The following ANK2 variants were observed in gnomAD, a reference collection of about 807,000 sequenced individuals.
ANK2 encodes the protein ankyrin 2.
Under a neutral mutation model 360.5 loss-of-function variants are expected in ANK2, and 83 were observed. That is an observed-to-expected ratio of 0.23 (90% CI 0.19 to 0.28). The LOEUF is 0.28. Among genes scored for constraint, ANK2 ranks in the 10% least tolerant of loss-of-function variants. ANK2 has a pLI of 1.00. For missense variants in ANK2, 4,201 were observed against 4,795.7 expected (o/e 0.88, Z 3.66); for synonymous variants, 1,740 against 1,759.5 (o/e 0.99, Z 0.28).
intron 5 of ANK2, among the ~76,000 whole-genome samples, chr4:113,233,898 C>T (rs1486311488): frequency 6.6e-6 from 1 of 151,972 alleles, no homozygotes; most frequent in Non-Finnish European, 1.5e-5. Context: ...CTTTTTTTCC[C>T]TCAGACACTA....
chr4:113,170,348 A>G (rs1328088150), intron 1 of ANK2, among the ~76,000 whole-genome samples: 1 of 152,190 alleles, frequency 6.6e-6, no homozygotes, highest in Non-Finnish European at 1.5e-5. Flanking sequence ...TTGGCTCGTC[A>G]TGTCCTGCCA....
intron 1 of ANK2, among the ~76,000 whole-genome samples, chr4:113,093,087 C>A (rs1212175325): frequency 2.6e-5 from 4 of 152,076 alleles, no homozygotes; most frequent in Non-Finnish European, 5.9e-5. Flanking sequence ...TATAAAATGC[C>A]TTAACATGCT....
intron 9 of ANK2, among the ~76,000 whole-genome samples, chr4:113,245,440 A>T (rs992663193): frequency 3.3e-5 from 5 of 152,232 alleles, no homozygotes; most frequent in African/African-American, 1.2e-4. Flanking sequence ...ATTGACTCAC[A>T]GTTCTGCAGG....
chr4:112,710,943 A>ATATT, the ANK2 span, among the ~76,000 whole-genome samples: 79,869 of 142,212 alleles, frequency 0.56, 23,377 homozygotes, highest in African/African-American at 0.73. Context: ...GATTACATTT[A>ATATT]TATTTATTTA....
At chr4:112,831,658 C>T (rs1034240547) in intron 1 of ANK2, among the ~76,000 whole-genome samples, 2 of 152,172 alleles carry the variant, frequency 1.3e-5, no homozygotes, top group African/African-American at 4.8e-5. Context: ...CTGGAGCCAG[C>T]ACTCCTCGGG....
In ANK2 at chr4:113,282,786, C is replaced by A. The variant is rs758281393; in HGVS notation, c.1993C>A (p.Pro665Thr). The A allele has an allele frequency of 2.5e-6, 4 of 1,613,854 alleles. No individual in the cohort carries two copies. Among genetic ancestry groups the A allele is most frequent in the Non-Finnish European group, 3.4e-6 (4 of 1,179,954 alleles). ...TNIVTKQGVT[P>T]LHLASQEGHT... The stretch of plus-strand genomic sequence containing the variant: ...CATTGTGACAAAGCAAGGAGTAACT[C>A]CACTCCATCTGGCCTCGCAGGAGGG... The change falls in exon 18 of 46, where the codon CCA becomes ACA. Residue 665 changes from proline to threonine, a missense_variant. Pro to Thr is a conservative substitution (Grantham distance 38). Transcript: ENST00000357077.
chr4:112,762,042 C>T, the ANK2 span, among the ~76,000 whole-genome samples: 1 of 152,164 alleles, frequency 6.6e-6, no homozygotes, highest in Non-Finnish European at 1.5e-5. Context: ...TGAGTTGAGT[C>T]TTGAATTTGC....
chr4:113,239,863 G>A (rs570757643), intron 7 of ANK2, among the ~76,000 whole-genome samples: 13 of 151,942 alleles, frequency 8.6e-5, no homozygotes, highest in Admixed American at 2.0e-4. Flanking sequence ...TTGATGCCAC[G>A]TATATTGTTT....
At chr4:113,036,572 T>C (rs189489333) in intron 2 of ANK2, among the ~76,000 whole-genome samples, 2 of 151,980 alleles carry the variant, frequency 1.3e-5, no homozygotes, top group Admixed American at 1.3e-4. Flanking sequence ...TACACAGATA[T>C]GTATGCCTGC....
intron 2 of ANK2, among the ~76,000 whole-genome samples, chr4:112,959,913 G>A (rs1209845148): frequency 3.3e-5 from 5 of 152,044 alleles, no homozygotes; most frequent in African/African-American, 1.2e-4. Context: ...ATGACAAAAC[G>A]CTCCTGCAAT....
chr4:112,739,150 C>G, the ANK2 span: 1 of 383,498 alleles, frequency 2.6e-6, no homozygotes, highest in South Asian at 2.2e-5. Flanking sequence ...ACCGTAAAAA[C>G]TGCCAAGAAC....
At chr4:113,197,273 A>G (rs1467224190) in intron 3 of ANK2, among the ~76,000 whole-genome samples, 1 of 152,188 alleles carries the variant, frequency 6.6e-6, no homozygotes, top group Non-Finnish European at 1.5e-5. Flanking sequence ...AGGAAATTGG[A>G]CTCATTTTAA....
chr4:112,957,013 T>G (rs370281236), intron 2 of ANK2, among the ~76,000 whole-genome samples: 1 of 145,988 alleles, frequency 6.8e-6, no homozygotes, highest in East Asian at 2.0e-4. Flanking sequence ...TCTTGTTTTT[T>G]TTTTTTTTTT....
chr4:113,046,174 A>G (rs1356229383), upstream of ANK2, among the ~76,000 whole-genome samples: 1 of 152,180 alleles, frequency 6.6e-6, no homozygotes, highest in East Asian at 1.9e-4. Flanking sequence ...GACATTTTCT[A>G]TAGAAAATGT....
chr4:112,795,939 A>G, the ANK2 span, among the ~76,000 whole-genome samples: 2 of 150,780 alleles, frequency 1.3e-5, no homozygotes, highest in East Asian at 2.0e-4. Flanking sequence ...AGCTGGGACT[A>G]TAGGTGTACA....
chr4:113,120,718 C>T lies in ANK2; in HGVS notation c.85-53698C>T, dbSNP rs186035825. Among the ~76,000 whole-genome samples, 3 of 152,208 alleles carry T rather than the reference C, an allele frequency of 2.0e-5. No individual in the cohort carries two copies. In the East Asian group the frequency reaches 5.8e-4, roughly 29 times the overall value. On this transcript the variant is annotated intron_variant, in intron 1 of 45. Coordinates refer to ENST00000357077, the MANE Select transcript of ANK2 (RefSeq NM_001148.6). ...TTATTTCATCACCCAGGTGTTAAGCCTGGTACCAATTGGTGATTTTTCCTG... is the reference window on the plus strand; with the variant it reads ...TTATTTCATCACCCAGGTGTTAAGCTTGGTACCAATTGGTGATTTTTCCTG...
rs1237938273 is a variant in ANK2, at chr4:113,341,871, A to G, written c.4077A>G (p.Glu1359=). 6.2e-7 allele frequency: 1 copy of G among 1,614,028 alleles called. No homozygotes were observed. The highest frequency in any genetic ancestry group is 2.2e-5 in the East Asian group (1 of 44,878). ...ATGATAAAGTGGATAAGACCCTTGA[A>G]CAACAAGAAAATTTTGCTGAGGTGG... ...MTDDKVDKTL[E]QQENFAEVAR... is the part of the protein sequence containing the mutation. The change falls in exon 33 of 46, where the codon GAA becomes GAG. Residue 1359 remains glutamate, a synonymous_variant. Transcript: ENST00000357077.
At chr4:112,874,596 C>T (rs1481718425) in intron 1 of ANK2, among the ~76,000 whole-genome samples, 1 of 140,654 alleles carries the variant, frequency 7.1e-6, no homozygotes, top group Non-Finnish European at 1.5e-5. Context: ...GAGCCAAGAT[C>T]GCACCACTGC....
upstream of ANK2, among the ~76,000 whole-genome samples, chr4:112,816,085 A>G (rs2055599622): frequency 6.6e-6 from 1 of 152,090 alleles, no homozygotes; most frequent in Non-Finnish European, 1.5e-5. Flanking sequence ...TTTTATTTGA[A>G]GTTGGGGGCA....
Sources: allele counts gnomAD v4.1 joint callset (sites outside exome capture counted in the v4.1 genomes callset), GRCh38; gene constraint gnomAD v4.1.1; transcripts MANE v1.5; gene names NCBI Gene and HGNC (gene_info 2026-07-23, HGNC 2026-07-21).